The following SEZ6 variants were observed in gnomAD, a reference collection of about 807,000 sequenced individuals.
SEZ6 encodes the protein seizure related 6 homolog, also known as seizure protein 6 homolog.
A neutral mutation model predicts 101.0 loss-of-function variants in SEZ6; 53 were observed. The observed-to-expected ratio is 0.52, with a 90% confidence interval of 0.42 to 0.66. The LOEUF (loss-of-function observed/expected upper bound fraction) is 0.66, where lower values mean the gene tolerates loss of function less well. Ranked by LOEUF, SEZ6 falls within the 30% of genes least tolerant of loss-of-function variation. The pLI, the probability that SEZ6 is intolerant of heterozygous loss-of-function variation, is 0.00. For synonymous variants in SEZ6, 488 were observed against 512.2 expected, an observed-to-expected ratio of 0.95 and a Z score of 0.64; for missense variants, 1,102 against 1,289.4, an observed-to-expected ratio of 0.85 and a Z score of 2.23.
At position 29,001,186 on chromosome 17, in the gene SEZ6, C is replaced by T. The variant is rs543102071; in HGVS notation, c.55+4629G>A. Among the ~76,000 whole-genome samples the T allele has an allele frequency of 1.3e-4, 20 of 152,324 alleles. No homozygotes were observed. In the East Asian group the frequency reaches 3.9e-3, roughly 29 times the overall value. On this transcript the variant is annotated intron_variant, in intron 1 of 16. Coordinates refer to ENST00000317338, the MANE Select transcript of SEZ6 (RefSeq NM_178860.5). Reference sequence around the variant, plus strand: ...AAATAGCATGCTTGCTACGCAAACTCAGCTTCAAGATTCGGTCCCAGCTGC... The same window carrying T: ...AAATAGCATGCTTGCTACGCAAACTTAGCTTCAAGATTCGGTCCCAGCTGC...
Position 28,955,404 on chromosome 17 carries a change from G to A in SEZ6, c.*558C>T, listed in dbSNP as rs950676589. 1 of 332,380 alleles carries A rather than the reference G, an allele frequency of 3.0e-6. No homozygotes were observed. 20.6% of individuals were successfully genotyped at this position (332,380 alleles called of 1,614,324 possible). ...AGAATTACTGCCTCCACTGGGACAG[G>A]GCAGGAGGCAGAACTGTCCAGAACT... On this transcript the variant is annotated 3_prime_UTR_variant, in exon 17 of 17. Transcript: ENST00000317338.
At chr17:28,965,212 C>T (rs1426454650) in intron 4 of SEZ6, among the ~76,000 whole-genome samples, 4 of 151,558 alleles carry the variant, frequency 2.6e-5, no homozygotes, top group East Asian at 3.9e-4. Flanking sequence ...ATCAGCCGGA[C>T]GTGATGGCAG....
At chr17:28,973,839 C>G (rs938476111) in intron 3 of SEZ6, among the ~76,000 whole-genome samples, 1 of 152,162 alleles carries the variant, frequency 6.6e-6, no homozygotes, top group African/African-American at 2.4e-5. Context: ...ATACCCATAG[C>G]CAGTGACAGG....
intron 2 of SEZ6, among the ~76,000 whole-genome samples, chr17:28,980,212 T>C (rs1370149460): frequency 2.0e-5 from 3 of 149,100 alleles, no homozygotes; most frequent in African/African-American, 5.0e-5. Context: ...TCTTTCTTTT[T>C]TTTTTTTTTT....
Position 28,979,601 on chromosome 17 carries a change from C to G in SEZ6, c.858+79G>C, listed in dbSNP as rs879187346. ...TTGATGCCCCTAATCATCCCCACAT[C>G]CTCTCATAGCATGTGCCTCTCTGAA... On this transcript the variant is annotated intron_variant, in intron 3 of 16. Transcript: ENST00000317338. 26 of 1,585,080 alleles carry G rather than the reference C, an allele frequency of 1.6e-5. No individual in the cohort carries two copies. The South Asian group carries it at 2.7e-4, about 17-fold the overall frequency.
chr17:28,960,896 T>G lies in SEZ6; in HGVS notation c.1318A>C (p.Asn440His). The G allele has an allele frequency of 6.2e-7, 1 of 1,613,900 alleles. No individual in the cohort carries two copies. Among genetic ancestry groups the G allele is most frequent in the East Asian group, 2.2e-5 (1 of 44,878 alleles). ...SPGFPGNYSN[N>H]LTCHWLLEAP... ...TCAAGCAGCCAGTGACAGGTGAGGT[T>G]GTTGCTGTAGTTGCCCGGGAAGCCT... Residue 440 changes from asparagine to histidine, a missense_variant, in exon 6 of 17, where the codon AAC becomes CAC. By Grantham distance (68) the Asn-to-His change is moderately conservative. This residue lies in a region of SEZ6 where 556 missense variants were observed against 735.1 expected (regional missense o/e 0.76). Coordinates refer to ENST00000317338, the MANE Select transcript of SEZ6 (RefSeq NM_178860.5).
At position 28,969,841 on chromosome 17, in the gene SEZ6, G is replaced by T. The variant is rs771668829; in HGVS notation, c.970C>A (p.Arg324Ser). ...QSFLLRGQVI[R>S]SPTHQAALRF... is the part of the protein sequence containing the mutation. ...AGGGCCGCTTGGTGGGTGGGGCTGC[G>T]GATGACTTGGCCCCGCAGCAGGAAA... Residue 324 changes from arginine to serine, a missense_variant, in exon 4 of 17, where the codon CGC (arginine) becomes AGC (serine). This residue lies in a region of SEZ6 where 406 missense variants were observed against 418.6 expected (regional missense o/e 0.97). Transcript: ENST00000317338. 6.5e-7 allele frequency: 1 copy of T among 1,531,934 alleles called. No individual in the cohort carries two copies. 94.9% of individuals were successfully genotyped at this position (1,531,934 alleles called of 1,614,324 possible).
chr17:28,957,641 T>G, intron 11 of SEZ6, 102 bp from the exon 12 acceptor site: 1 of 1,269,712 alleles, frequency 7.9e-7, no homozygotes, highest in Non-Finnish European at 1.1e-6. Context: ...TCATGTCGTA[T>G]GGGTCTACCC....
rs757276144 is a variant in SEZ6, at chr17:28,959,086, G to A, written c.2046C>T (p.Phe682=). 6.2e-7 allele frequency: 1 copy of A among 1,613,990 alleles called. No individual in the cohort carries two copies. Among genetic ancestry groups the A allele is most frequent in the Admixed American group, 1.7e-5 (1 of 60,010 alleles). ...FTSMADVTIQ[F]QSDPGTSVLG... ...GCACTGAGGTCCCGGGGTCCGACTG[G>A]AACTGAATGGTGACATCAGCCATGG... is the stretch of plus-strand genomic sequence containing the variant. Residue 682 remains phenylalanine, a synonymous_variant, in exon 10 of 17, where the codon TTC becomes TTT. Transcript: ENST00000317338. The surrounding 1 kb of genome is among the most constrained non-coding windows in gnomAD (Gnocchi z 4.4).
intron 1 of SEZ6, among the ~76,000 whole-genome samples, chr17:28,995,579 A>T (rs2041526141): frequency 6.6e-6 from 1 of 152,218 alleles, no homozygotes; most frequent in South Asian, 2.1e-4. Flanking sequence ...GACCCTGGGC[A>T]TCCTTGTCCT....
intron 3 of SEZ6, among the ~76,000 whole-genome samples, chr17:28,974,761 CAGG>C (rs2041199775): frequency 6.6e-6 from 1 of 152,198 alleles, no homozygotes; most frequent in Non-Finnish European, 1.5e-5. Context: ...CCTCCAGAAT[CAGG>C]CAGGGCTGAC....
At chr17:28,964,212 G>A (rs2041028886) in intron 4 of SEZ6, 65 bp from the exon 5 acceptor site, 1 of 1,486,734 alleles carries the variant, frequency 6.7e-7, no homozygotes, top group Non-Finnish European at 9.0e-7. Flanking sequence ...TGGGCCATTG[G>A]TTGGGGGAGG....
chr17:29,001,233 T>C (rs1417467605), intron 1 of SEZ6, among the ~76,000 whole-genome samples: 1 of 152,234 alleles, frequency 6.6e-6, no homozygotes, highest in African/African-American at 2.4e-5. Flanking sequence ...CTCCCCTTTC[T>C]AACCAAGCAG....
In SEZ6 at chr17:28,957,142, C is replaced by T. The variant is rs566640600; in HGVS notation, c.2595G>A (p.Ser865=). The change falls in exon 13 of 17, where the codon TCG becomes TCA. Residue 865 remains serine (S), a synonymous_variant. Coordinates refer to ENST00000317338, the MANE Select transcript of SEZ6 (RefSeq NM_178860.5). ...LHPAGATIHF[S]CAPGYVLKGQ... is the part of the protein sequence containing the mutation. ...CCTTCAGCACATAGCCAGGGGCACA[C>T]GAGAAGTGGATGGTGGCCCCTGCTG... is the stretch of plus-strand genomic sequence containing the variant. 14 of 1,613,852 alleles carry T rather than the reference C, an allele frequency of 8.7e-6. No individual in the cohort carries two copies. Among genetic ancestry groups the T allele is most frequent in the South Asian group, 2.2e-5 (2 of 91,086 alleles).
chr17:28,975,918 G>A (rs966012590), intron 3 of SEZ6, among the ~76,000 whole-genome samples: 1 of 152,244 alleles, frequency 6.6e-6, no homozygotes, highest in African/African-American at 2.4e-5. Context: ...CAAGTGCAGA[G>A]AGAGGCAGGC....
chr17:28,971,492 C>T (rs1009653831), intron 3 of SEZ6, among the ~76,000 whole-genome samples: 13 of 151,942 alleles, frequency 8.6e-5, no homozygotes, highest in Non-Finnish European at 1.8e-4. Context: ...ACTCAAGCAG[C>T]TGAGGCAGGA....
intron 1 of SEZ6, among the ~76,000 whole-genome samples, chr17:28,988,386 G>T: frequency 6.6e-6 from 1 of 152,180 alleles, no homozygotes; most frequent in Non-Finnish European, 1.5e-5. Context: ...CATAGTGAAG[G>T]CTGGGCTCAG....
chr17:28,956,897 C>G, intron 13 of SEZ6, 140 bp from the exon 14 acceptor site: 3 of 1,357,322 alleles, frequency 2.2e-6, no homozygotes, highest in Non-Finnish European at 3.0e-6. Context: ...TTGGTGATGC[C>G]AGGTCAGAAG....
In SEZ6 at chr17:28,959,571, ACCT is replaced by A. The variant is rs1359303456; in HGVS notation, c.1772-102_1772-100del. 3.0e-5 allele frequency: 46 copies of A among 1,552,110 alleles called. No homozygotes were observed. Among genetic ancestry groups the A allele is most frequent in the Non-Finnish European group, 3.9e-5 (45 of 1,150,394 alleles). Reference sequence around the variant, plus strand: ...TGCCCACAAATTGCTGGGACCCCCCACCTCCTCCTTGGAGGAAGCCTGAACCAC... The same window carrying A: ...TGCCCACAAATTGCTGGGACCCCCCACCTCCTTGGAGGAAGCCTGAACCAC... On this transcript the variant is annotated intron_variant, in intron 8 of 16. Coordinates refer to ENST00000317338, the MANE Select transcript of SEZ6 (RefSeq NM_178860.5). This position sits in a 1 kb window ranked among gnomAD's most constrained non-coding sequence, Gnocchi z 4.4.
Sources: allele counts gnomAD v4.1 joint callset (sites outside exome capture counted in the v4.1 genomes callset), GRCh38; gene constraint gnomAD v4.1.1; regional missense constraint gnomAD v4.1.1; non-coding constraint Gnocchi (gnomAD v3.1); transcripts MANE v1.5; gene names NCBI Gene and HGNC (gene_info 2026-07-23, HGNC 2026-07-21).